Variants in PDSS1 observed in about 807,000 individuals in gnomAD.
PDSS1 encodes the protein decaprenyl diphosphate synthase subunit 1.
Under a neutral mutation model 57.5 loss-of-function variants are expected in PDSS1, and 43 were observed. That is an observed-to-expected ratio of 0.75 (90% CI 0.59 to 0.96). PDSS1 has a LOEUF of 0.96. PDSS1 is among the 50% of genes least tolerant of loss of function. The pLI is 0.00. For missense variants in PDSS1, 438 were observed against 527.8 expected (o/e 0.83, Z 1.67); for synonymous variants, 175 against 191.3 (o/e 0.91, Z 0.70).
At chr10:26,724,826 C>T (rs1261909246) in intron 8 of PDSS1, among the ~76,000 whole-genome samples, 1 of 152,198 alleles carries the variant, frequency 6.6e-6, no homozygotes, top group Non-Finnish European at 1.5e-5. Context: ...GATCCACCCA[C>T]CTTGGCCCTG....
At chr10:26,713,249 G>A (rs146674303) in intron 5 of PDSS1, among the ~76,000 whole-genome samples, 1,677 of 146,798 alleles carry the variant, frequency 0.011, 41 homozygotes, top group African/African-American at 0.041. Flanking sequence ...CCGAGATCAC[G>A]CCATTGCATT....
chr10:26,704,619 C>A, intron 2 of PDSS1, 58 bp from the exon 3 acceptor site: 1 of 804,584 alleles, frequency 1.2e-6, no homozygotes, highest in Non-Finnish European at 2.2e-6. Flanking sequence ...TTTTATCATC[C>A]AATGTTACAG....
At chr10:26,708,113 A>G (rs1431718743) in intron 4 of PDSS1, among the ~76,000 whole-genome samples, 1 of 152,092 alleles carries the variant, frequency 6.6e-6, no homozygotes, top group African/African-American at 2.4e-5. Context: ...ACTTCTCCCC[A>G]TCTAGACCCT....
intron 8 of PDSS1, among the ~76,000 whole-genome samples, chr10:26,733,295 C>T (rs1836279129): frequency 6.6e-6 from 1 of 152,104 alleles, no homozygotes; most frequent in Non-Finnish European, 1.5e-5. Flanking sequence ...GCCATGCTCT[C>T]CTTTGAGCCA....
At chr10:26,736,148 G>A (rs1022832757) in intron 10 of PDSS1, among the ~76,000 whole-genome samples, 1 of 152,160 alleles carries the variant, frequency 6.6e-6, no homozygotes, top group African/African-American at 2.4e-5. Flanking sequence ...TTCTTTCTCC[G>A]GATTGAGGGA....
Position 26,699,047 on chromosome 10 carries a change from C to G in PDSS1, c.129+1207C>G, listed in dbSNP as rs1318230969. Among the ~76,000 whole-genome samples, 4 of 152,144 alleles carry G rather than the reference C, an allele frequency of 2.6e-5. No individual in the cohort carries two copies. The East Asian group carries it at 7.7e-4, about 29-fold the overall frequency. ...GCCTGAGGGAGGAGGATTGTTCGAT[C>G]CCAGGAGTTCAAGATTACAGTGAGC... is the stretch of plus-strand genomic sequence containing the variant. On this transcript the variant is annotated intron_variant, in intron 1 of 11. Transcript: ENST00000376215.
chr10:26,702,857 G>T, intron 2 of PDSS1, among the ~76,000 whole-genome samples: 1 of 152,080 alleles, frequency 6.6e-6, no homozygotes, highest in East Asian at 1.9e-4. Flanking sequence ...TTCATGAGAG[G>T]CAAGGTTGAC....
chr10:26,705,686 C>A (rs1460943769), intron 4 of PDSS1, among the ~76,000 whole-genome samples: 1 of 152,204 alleles, frequency 6.6e-6, no homozygotes, highest in East Asian at 1.9e-4. Context: ...GTTGGCCAGG[C>A]TGGTCTTGAA....
chr10:26,721,435 C>T lies in PDSS1; in HGVS notation c.609+1076C>T, dbSNP rs952940916. On this transcript the variant is annotated intron_variant, in intron 6 of 11. Transcript: ENST00000376215. The stretch of plus-strand genomic sequence containing the variant: ...AGAGATATATGTATACACACACACA[C>T]ACACACACACACACATACATATATA... Among the ~76,000 whole-genome samples the T allele has an allele frequency of 2.6e-5, 4 of 151,988 alleles. No individual in the cohort carries two copies. In the South Asian group the frequency reaches 6.2e-4, roughly 24 times the overall value.
intron 5 of PDSS1, among the ~76,000 whole-genome samples, chr10:26,717,446 G>T (rs1166223969): frequency 2.0e-5 from 3 of 152,192 alleles, no homozygotes; most frequent in Non-Finnish European, 4.4e-5. Context: ...TGGCCAGGCT[G>T]GTCTCGAACT....
At chr10:26,734,840 A>G (rs1212353774) in intron 8 of PDSS1, 10 of 444,068 alleles carry the variant, frequency 2.3e-5, no homozygotes, top group Non-Finnish European at 4.0e-5. Context: ...TAAAGCCAAC[A>G]GTAATCGGGC....
intron 4 of PDSS1, among the ~76,000 whole-genome samples, chr10:26,707,173 C>T (rs373872012): frequency 2.2e-4 from 33 of 152,220 alleles, no homozygotes; most frequent in African/African-American, 7.0e-4. Flanking sequence ...CGGAGTTTTG[C>T]GCATGCTCAC....
intron 11 of PDSS1, among the ~76,000 whole-genome samples, chr10:26,744,611 G>A (rs961763720): frequency 5.9e-5 from 9 of 151,940 alleles, no homozygotes; most frequent in African/African-American, 1.7e-4. Flanking sequence ...TTATGGTCTC[G>A]ATCTTGACGT....
At chr10:26,733,080 C>T (rs925052196) in intron 8 of PDSS1, among the ~76,000 whole-genome samples, 5 of 152,008 alleles carry the variant, frequency 3.3e-5, no homozygotes, top group African/African-American at 4.8e-5. Context: ...AGAGAGACTC[C>T]GTCTCCAAAA....
rs1027272149 is a variant in PDSS1 at position 26,720,438 on chromosome 10, C to G, written c.609+79C>G. The G allele has an allele frequency of 2.4e-5, 24 of 995,944 alleles. No homozygotes were observed. In the South Asian group the frequency reaches 2.4e-4, roughly 10 times the overall value. 61.7% of individuals were successfully genotyped at this position (995,944 alleles called of 1,614,324 possible). On this transcript the variant is annotated intron_variant, in intron 6 of 11. Transcript: ENST00000376215. ...GACCGCATTTGTTTCTCAGATTTGTCTCATTAAAAATATGCTTGCTCAAAT... is the reference window on the plus strand; with the variant it reads ...GACCGCATTTGTTTCTCAGATTTGTGTCATTAAAAATATGCTTGCTCAAAT...
intron 5 of PDSS1, chr10:26,717,741 A>G (rs571128077): frequency 2.0e-5 from 3 of 152,324 alleles, no homozygotes; most frequent in African/African-American, 4.8e-5. Flanking sequence ...TGCATGAGAA[A>G]GGCTAGACCT....
At chr10:26,717,633 T>TTA (rs2132252682) in intron 5 of PDSS1, 1 of 152,320 alleles carries the variant, frequency 6.6e-6, no homozygotes, top group South Asian at 2.1e-4. Flanking sequence ...ACAACTCTAG[T>TTA]ATCTTGGTGA....
chr10:26,721,574 G>A (rs191712222), intron 6 of PDSS1, among the ~76,000 whole-genome samples: 45 of 152,176 alleles, frequency 3.0e-4, no homozygotes, highest in Non-Finnish European at 5.1e-4. Context: ...AGATTAAAAG[G>A]TTTTACGTCC....
chr10:26,737,357 G>T (rs545032057), intron 10 of PDSS1, among the ~76,000 whole-genome samples: 20 of 152,224 alleles, frequency 1.3e-4, no homozygotes, highest in Non-Finnish European at 1.9e-4. Flanking sequence ...ACACAAAGGA[G>T]TAATGGCTAT....
Sources: gnomAD v4.1 joint callset for allele counts (sites outside exome capture counted in the v4.1 genomes callset) on GRCh38, gnomAD v4.1.1 for gene constraint, MANE v1.5 for transcripts, NCBI Gene and HGNC (gene_info 2026-07-23, HGNC 2026-07-21) for gene names.